NTRK1: variants seen among roughly 807,000 people sequenced by gnomAD.
The protein encoded by NTRK1 is high affinity nerve growth factor receptor.
In NTRK1, 62 loss-of-function variants were observed where a neutral mutation model predicts 86.8. The ratio of observed to expected loss-of-function variants is 0.71; its 90% CI spans 0.58 to 0.88. NTRK1 has a LOEUF of 0.88. Ranked by LOEUF, NTRK1 falls within the 40% of genes least tolerant of loss-of-function variation. NTRK1 has a pLI of 0.00. For missense variants in NTRK1, 967 were observed against 1,078.4 expected (o/e 0.90, Z 1.45); for synonymous variants, 469 against 456.6 (o/e 1.03, Z -0.35).
At chr1:156,851,617 AG>A in intron 2 of NTRK1, 2 of 1,613,968 alleles carry the variant, frequency 1.2e-6, no homozygotes, top group Admixed American at 1.7e-5. Context: ...GACCAGGAGG[AG>A]GGGTGTGGCC....
At chr1:156,869,014 C>T (rs1390782236) in intron 6 of NTRK1, among the ~76,000 whole-genome samples, 1 of 32,172 alleles carries the variant, frequency 3.1e-5, no homozygotes, top group Non-Finnish European at 7.2e-5. Context: ...TCACTTTTCT[C>T]TCTCCCTTCC....
exon 2 of NTRK1, chr1:156,842,108 G>C: frequency 6.2e-7 from 1 of 1,613,908 alleles, no homozygotes; most frequent in Non-Finnish European, 8.5e-7. Context: ...GGCACCCTCT[G>C]TACCCCCGAT....
At chr1:156,845,852 G>T in intron 2 of NTRK1, 1 of 1,584,988 alleles carries the variant, frequency 6.3e-7, no homozygotes, top group South Asian at 1.1e-5. Context: ...AAGACAGGCG[G>T]TCTACCCGCC....
intron 1 of NTRK1, among the ~76,000 whole-genome samples, chr1:156,822,903 C>A (rs1486138707): frequency 6.6e-6 from 1 of 152,158 alleles, no homozygotes; most frequent in African/African-American, 2.4e-5. Flanking sequence ...ACATTCTCCT[C>A]CCTGACTCAT....
At chr1:156,864,667 G>C (rs2102885868) in intron 2 of NTRK1, 61 bp from the exon 3 acceptor site, 1 of 1,561,464 alleles carries the variant, frequency 6.4e-7, no homozygotes, top group African/African-American at 1.4e-5. Flanking sequence ...GATGGGCAGG[G>C]AGGGCCAGGG....
At chr1:156,877,469 G>A (rs1467550535) in intron 14 of NTRK1, among the ~76,000 whole-genome samples, 2 of 152,270 alleles carry the variant, frequency 1.3e-5, no homozygotes, top group Non-Finnish European at 2.9e-5. Flanking sequence ...GAATGGCCCA[G>A]GGGTGATGTG....
intron 1 of NTRK1, among the ~76,000 whole-genome samples, chr1:156,827,505 A>T (rs575345974): frequency 4.2e-4 from 64 of 152,202 alleles, no homozygotes; most frequent in African/African-American, 1.5e-3. Context: ...CAGGTGATCC[A>T]TACACCTCGG....
chr1:156,874,661 G>T (rs2102910492), intron 10 of NTRK1, 35 bp downstream of exon 10: 1 of 1,598,714 alleles, frequency 6.3e-7, no homozygotes, highest in South Asian at 1.1e-5. Flanking sequence ...GCAGACTTTG[G>T]GACCGGGAGG....
chr1:156,845,953 G>A (rs760065948), intron 2 of NTRK1: 1 of 1,611,598 alleles, frequency 6.2e-7, no homozygotes, highest in Non-Finnish European at 8.5e-7. Context: ...CCTGCGCACC[G>A]CGGTGGCAGT....
chr1:156,828,188 T>TC (rs1489440073), intron 1 of NTRK1, among the ~76,000 whole-genome samples: 1 of 152,170 alleles, frequency 6.6e-6, no homozygotes, highest in Non-Finnish European at 1.5e-5. Flanking sequence ...ATAAATTAGA[T>TC]CATTTGCTTG....
upstream of NTRK1, chr1:156,858,961 G>C (rs557230847): frequency 7.0e-6 from 2 of 287,740 alleles, no homozygotes; most frequent in East Asian, 1.4e-4. Context: ...CGAGAGGCCA[G>C]CCAACCCTGA....
chr1:156,840,868 G>T (rs55637794), intron 1 of NTRK1: 36 of 1,604,900 alleles, frequency 2.2e-5, no homozygotes, highest in Non-Finnish European at 2.9e-5. Flanking sequence ...GGAATGAGGT[G>T]CCCCTCAGTG....
Position 156,853,984 on chromosome 1 carries a change from C to T in NTRK1, c.51-10370C>T, listed in dbSNP as rs760570356. 5.6e-6 allele frequency: 9 copies of T among 1,613,468 alleles called. No homozygotes were observed. In the Admixed American group the frequency reaches 1.5e-4, roughly 27 times the overall value. ...TCTTCTCCACACGCACAGCCCCACGCAGCACGGCCCCAAGTGCAGGCAGTG... is the reference window on the plus strand; with the variant it reads ...TCTTCTCCACACGCACAGCCCCACGTAGCACGGCCCCAAGTGCAGGCAGTG... On this transcript the variant is annotated intron_variant, in intron 2 of 16. Coordinates refer to the NTRK1 transcript ENST00000392302.
intron 1 of NTRK1, among the ~76,000 whole-genome samples, chr1:156,822,054 A>T (rs1006631592): frequency 1.4e-4 from 21 of 152,190 alleles, no homozygotes; most frequent in Non-Finnish European, 7.4e-5. Context: ...GGCCACAAAA[A>T]AGGGCTCTGA....
chr1:156,843,461 A>C, intron 2 of NTRK1: 1 of 1,614,214 alleles, frequency 6.2e-7, no homozygotes, highest in Non-Finnish European at 8.5e-7. Flanking sequence ...GATTCACAGA[A>C]GCATACAGGG....
upstream of NTRK1, chr1:156,858,543 C>G: frequency 6.2e-7 from 1 of 1,613,440 alleles, no homozygotes; most frequent in Non-Finnish European, 8.5e-7. Flanking sequence ...TCACCCTCTA[C>G]TGTATCCAGG....
chr1:156,853,701 G>T lies in NTRK1; in HGVS notation c.51-10653G>T, dbSNP rs560580644. 3 of 1,536,900 alleles carry T rather than the reference G, an allele frequency of 2.0e-6. No homozygotes were observed. In the South Asian group the frequency reaches 3.7e-5, roughly 19 times the overall value. On this transcript the variant is annotated intron_variant, in intron 2 of 16. Coordinates refer to the NTRK1 transcript ENST00000392302. ...CCATCCTGTGGCCACCCAGCCCCAT[G>T]TGACCCTGCTCTCTCCCTTCCCTAC...
chr1:156,860,139 G>C (rs996861176), upstream of NTRK1, among the ~76,000 whole-genome samples: 21 of 152,248 alleles, frequency 1.4e-4, no homozygotes, highest in African/African-American at 5.1e-4. Flanking sequence ...GGCCGGCGCT[G>C]GCTGGCCGGG....
rs746838188 is a variant in NTRK1 at position 156,881,816 on chromosome 1, G to A, written c.*174G>A. ...AGGATGTTCCTGCTTCTCTAGGCAA[G>A]GTCCCGTCATAGCAATTATATTTAT... On this transcript the variant is annotated 3_prime_UTR_variant, in exon 17 of 17. Coordinates refer to ENST00000524377, the MANE Select transcript of NTRK1 (RefSeq NM_002529.4). 24 of 611,762 alleles carry A rather than the reference G, an allele frequency of 3.9e-5. No homozygotes were observed. Among genetic ancestry groups the A allele is most frequent in the Non-Finnish European group, 6.0e-5 (22 of 364,348 alleles). The allele number at this position is 611,762 out of a possible 1,614,324, so 37.9% of individuals were successfully genotyped here.
Sources: gnomAD v4.1 joint callset for allele counts (sites outside exome capture counted in the v4.1 genomes callset) on GRCh38, gnomAD v4.1.1 for gene constraint, MANE v1.5 for transcripts, NCBI Gene and HGNC (gene_info 2026-07-23, HGNC 2026-07-21) for gene names.